Variants in JAML observed in about 807,000 individuals in gnomAD.
The protein encoded by JAML is junctional adhesion molecule-like.
Under a neutral mutation model 39.3 loss-of-function variants are expected in JAML, and 25 were observed. That is an observed-to-expected ratio of 0.64 (90% CI 0.46 to 0.89). The LOEUF (loss-of-function observed/expected upper bound fraction) is 0.89, where lower values mean the gene tolerates loss of function less well. Ranked by LOEUF, JAML falls within the 40% of genes least tolerant of loss-of-function variation. The pLI, the probability that JAML is intolerant of heterozygous loss-of-function variation, is 0.00. For missense variants in JAML, 440 were observed against 486.9 expected (o/e 0.90, Z 0.91); for synonymous variants, 162 against 179.2 (o/e 0.90, Z 0.77).
chr11:118,198,789 C>G (rs959275299), intron 7 of JAML, among the ~76,000 whole-genome samples: 1 of 151,930 alleles, frequency 6.6e-6, no homozygotes, highest in Non-Finnish European at 1.5e-5. Context: ...TTCTCACTGT[C>G]AAATAATTCA....
At chr11:118,220,943 G>A (rs1233133088) in intron 1 of JAML, among the ~76,000 whole-genome samples, 8 of 152,188 alleles carry the variant, frequency 5.3e-5, no homozygotes, top group Non-Finnish European at 7.3e-5. Context: ...CTCTGCCCCC[G>A]CTGAATTCCA....
At chr11:118,194,832 T>C (rs913616146) in intron 9 of JAML, among the ~76,000 whole-genome samples, 15 of 152,208 alleles carry the variant, frequency 9.9e-5, no homozygotes, top group African/African-American at 3.4e-4. Context: ...AGAACACCTT[T>C]ATAAATGCAG....
chr11:118,206,631 A>C (rs1296582018), intron 4 of JAML, among the ~76,000 whole-genome samples: 1 of 152,148 alleles, frequency 6.6e-6, no homozygotes, highest in Non-Finnish European at 1.5e-5. Context: ...TTAGGCCAAG[A>C]CAAAAGACAG....
intron 1 of JAML, among the ~76,000 whole-genome samples, chr11:118,217,649 G>A (rs1229112469): frequency 6.6e-6 from 1 of 152,198 alleles, no homozygotes; most frequent in African/African-American, 2.4e-5. Flanking sequence ...ATCAGTAGTT[G>A]ATGTGTAATA....
chr11:118,201,335 A>G (rs1948792766), intron 6 of JAML: 1 of 152,256 alleles, frequency 6.6e-6, no homozygotes, highest in African/African-American at 2.4e-5. Flanking sequence ...ACTTACAGGA[A>G]ACATCCAGTT....
chr11:118,198,152 A>G (rs1258295756), intron 7 of JAML, 61 bp from the exon 8 acceptor site: 15 of 1,377,238 alleles, frequency 1.1e-5, no homozygotes, highest in African/African-American at 1.4e-5. Flanking sequence ...AAGGGTCCCT[A>G]CATGAGATCC....
intron 5 of JAML, chr11:118,204,030 A>T: frequency 4.1e-6 from 1 of 243,618 alleles, no homozygotes; most frequent in Non-Finnish European, 8.3e-6. Flanking sequence ...TGAACTCTTC[A>T]TCTTTCCCCC....
Position 118,200,490 on chromosome 11 carries a change from T to A in JAML, c.895A>T (p.Thr299Ser). The A allele has an allele frequency of 1.2e-6, 2 of 1,614,020 alleles. No homozygotes were observed. The highest frequency in any genetic ancestry group is 4.5e-5 in the East Asian group (2 of 44,870). The change falls in exon 7 of 10, where the codon ACC becomes TCC. Residue 299 changes from threonine (T) to serine (S), a missense_variant. By Grantham distance (58) the Thr-to-Ser change is moderately conservative. Coordinates refer to ENST00000356289, the MANE Select transcript of JAML (RefSeq NM_001098526.2). The part of the protein sequence containing the change: ...LPVLILIVKK[T>S]CGNKSSVNST... Reference sequence around the variant, plus strand: ...GCCCTGTACCTCTTATTTCCACAGGTCTTCTTCACGATCAATATCAGAACA... The same window carrying A: ...GCCCTGTACCTCTTATTTCCACAGGACTTCTTCACGATCAATATCAGAACA...
intron 4 of JAML, chr11:118,209,025 G>T: frequency 4.2e-6 from 1 of 238,104 alleles, no homozygotes; most frequent in South Asian, 6.6e-5. Context: ...TCTAGATTCT[G>T]GGGGAAGAAT....
intron 1 of JAML, among the ~76,000 whole-genome samples, chr11:118,217,242 C>T (rs989073355): frequency 1.3e-5 from 2 of 152,200 alleles, no homozygotes; most frequent in African/African-American, 2.4e-5. Context: ...GACAATGTGA[C>T]CATTAAGTTG....
intron 4 of JAML, among the ~76,000 whole-genome samples, chr11:118,210,262 G>A (rs4938490): frequency 0.46 from 69,412 of 152,048 alleles, 17,822 homozygotes; most frequent in South Asian, 0.73. Context: ...GCTTTTGTGA[G>A]GGGGAAGTGT....
chr11:118,212,712 A>G, intron 2 of JAML, 151 bp from the exon 3 acceptor site: 1 of 1,505,260 alleles, frequency 6.6e-7, no homozygotes, highest in South Asian at 1.3e-5. Context: ...GCAGCATGGC[A>G]TCCCTGTCCT....
intron 5 of JAML, 44 bp from the exon 6 acceptor site, chr11:118,203,709 T>C: frequency 6.5e-7 from 1 of 1,529,130 alleles, no homozygotes. Context: ...AGGACTGGAG[T>C]GGAGCGGGGA....
At chr11:118,213,340 T>A (rs1283097973) in intron 2 of JAML, 16 of 1,006,602 alleles carry the variant, frequency 1.6e-5, no homozygotes, top group Non-Finnish European at 1.9e-5. Context: ...CCAGTTCATA[T>A]CAGAGAAGAG....
At position 118,193,837 on chromosome 11, in the gene JAML, C is replaced by G. The variant is rs561652480; in HGVS notation, c.*488G>C. ...GCACGGTTTGGCTTTCCTCCAGGAA[C>G]TTCAGTTTTTCCAAAAGTTTCTAAC... On this transcript the variant is annotated 3_prime_UTR_variant, in exon 10 of 10. Transcript: ENST00000356289. 2 of 166,628 alleles carry G rather than the reference C, an allele frequency of 1.2e-5. No individual in the cohort carries two copies. The highest frequency in any genetic ancestry group is 1.1e-4 in the Admixed American group (2 of 17,806). 10.3% of individuals were successfully genotyped at this position (166,628 alleles called of 1,614,324 possible).
intron 3 of JAML, 68 bp from the exon 4 acceptor site, chr11:118,210,780 ACT>A (rs1169865094): frequency 5.3e-6 from 7 of 1,326,824 alleles, no homozygotes; most frequent in South Asian, 3.7e-5. Context: ...GATCCCAAAG[ACT>A]CTGTTATGTG....
chr11:118,215,179 T>C (rs1354618150), intron 1 of JAML, among the ~76,000 whole-genome samples: 1 of 152,114 alleles, frequency 6.6e-6, no homozygotes, highest in African/African-American at 2.4e-5. Flanking sequence ...CTGCTTTAGA[T>C]TGGCCATAAG....
Position 118,206,904 on chromosome 11 carries a change from G to A in JAML, c.425-913C>T, listed in dbSNP as rs74843667. On this transcript the variant is annotated intron_variant, in intron 4 of 9. Transcript: ENST00000356289. ...ATTAAGCAATGAAAGGCAGGGTGGT[G>A]TATAAGGAAGACACAAGTCTAGGTC... 2.8e-3 allele frequency among the ~76,000 whole-genome samples: 430 copies of A among 152,342 alleles called. 20 individuals carry two copies. The East Asian group carries it at 0.069, about 25-fold the overall frequency.
chr11:118,215,681 C>CT (rs1949131262), intron 1 of JAML, among the ~76,000 whole-genome samples: 1 of 151,406 alleles, frequency 6.6e-6, no homozygotes, highest in African/African-American at 2.4e-5. Context: ...TTCTTTTTAA[C>CT]TTTTTAAAGG....
Sources: gnomAD v4.1 joint callset for allele counts (sites outside exome capture counted in the v4.1 genomes callset) on GRCh38, gnomAD v4.1.1 for gene constraint, MANE v1.5 for transcripts, NCBI Gene and HGNC (gene_info 2026-07-23, HGNC 2026-07-21) for gene names.